The following TBC1D5 variants were observed in gnomAD, a reference collection of about 807,000 sequenced individuals.
TBC1D5 encodes TBC1 domain family, member 5.
Under a neutral mutation model 100.3 loss-of-function variants are expected in TBC1D5, and 75 were observed. That is an observed-to-expected ratio of 0.75 (90% CI 0.62 to 0.91). The LOEUF (loss-of-function observed/expected upper bound fraction) is 0.91, where lower values mean the gene tolerates loss of function less well. Ranked by LOEUF, TBC1D5 falls within the 40% of genes least tolerant of loss-of-function variation. The pLI, the probability that TBC1D5 is intolerant of heterozygous loss-of-function variation, is 0.00. For synonymous variants in TBC1D5, 323 were observed against 325.6 expected, an observed-to-expected ratio of 0.99 and a Z score of 0.09; for missense variants, 910 against 942.4, an observed-to-expected ratio of 0.97 and a Z score of 0.45.
At chr3:17,739,521 A>T (rs919680063) in exon 1 of TBC1D5, 2 of 152,232 alleles carry the variant, frequency 1.3e-5, no homozygotes, top group African/African-American at 4.8e-5. Context: ...AGGGTGGAGG[A>T]CAAGCCCAGG....
At chr3:17,378,369 C>A (rs1575597162) in intron 9 of TBC1D5, among the ~76,000 whole-genome samples, 1 of 151,834 alleles carries the variant, frequency 6.6e-6, no homozygotes, top group East Asian at 1.9e-4. Context: ...AAAAATCACT[C>A]TCTCACACAT....
chr3:17,375,731 A>G (rs2152093901), intron 10 of TBC1D5, among the ~76,000 whole-genome samples: 1 of 152,302 alleles, frequency 6.6e-6, no homozygotes, highest in African/African-American at 2.4e-5. Context: ...ATACTAATCT[A>G]TAAACTAATA....
chr3:17,406,435 G>A (rs753912019), exon 5 of TBC1D5: 21 of 1,608,046 alleles, frequency 1.3e-5, no homozygotes, highest in African/African-American at 4.0e-5. Context: ...CAAATGCTGC[G>A]GAACCTGCTG....
At chr3:17,573,554 A>G (rs2096639782) in intron 2 of TBC1D5, among the ~76,000 whole-genome samples, 1 of 152,048 alleles carries the variant, frequency 6.6e-6, no homozygotes, top group Admixed American at 6.6e-5. Flanking sequence ...ACTCTTCAAA[A>G]ATCTATAGGC....
intron 19 of TBC1D5, among the ~76,000 whole-genome samples, chr3:17,179,414 G>C (rs2068186510): frequency 6.6e-6 from 1 of 152,180 alleles, no homozygotes; most frequent in Non-Finnish European, 1.5e-5. Flanking sequence ...ATAAACTGAT[G>C]TTCAAAACTG....
upstream of TBC1D5, chr3:17,741,047 T>A (rs1432384752): frequency 1.3e-5 from 2 of 151,678 alleles, no homozygotes; most frequent in African/African-American, 4.9e-5. Flanking sequence ...CACCCGGGGG[T>A]GAGTTATTAA....
intron 19 of TBC1D5, among the ~76,000 whole-genome samples, chr3:17,177,253 G>A (rs941403480): frequency 6.6e-6 from 1 of 152,200 alleles, no homozygotes; most frequent in Non-Finnish European, 1.5e-5. Flanking sequence ...TGGAGTGGTG[G>A]CATCCTGGCC....
intron 17 of TBC1D5, among the ~76,000 whole-genome samples, chr3:17,216,427 A>T (rs889177181): frequency 3.3e-5 from 5 of 151,994 alleles, no homozygotes; most frequent in African/African-American, 1.2e-4. Flanking sequence ...CCCAACTCTG[A>T]TTCCTCCTCT....
intron 16 of TBC1D5, among the ~76,000 whole-genome samples, chr3:17,246,560 G>GA (rs772008274): frequency 2.0e-5 from 3 of 152,292 alleles, no homozygotes; most frequent in Admixed American, 1.3e-4. Flanking sequence ...TGTTACCAGA[G>GA]AAAAAACAGA....
chr3:17,599,329 A>G (rs999187400), intron 2 of TBC1D5, among the ~76,000 whole-genome samples: 2 of 152,106 alleles, frequency 1.3e-5, no homozygotes, highest in African/African-American at 4.8e-5. Flanking sequence ...CTGACACAAG[A>G]GCAGAGAGGC....
chr3:17,505,009 T>G (rs2095829670), intron 3 of TBC1D5, among the ~76,000 whole-genome samples: 1 of 152,096 alleles, frequency 6.6e-6, no homozygotes, highest in Non-Finnish European at 1.5e-5. Context: ...AAAAACAAAA[T>G]TATAGGAAGC....
intron 15 of TBC1D5, among the ~76,000 whole-genome samples, chr3:17,290,170 G>A (rs1200584331): frequency 6.6e-6 from 1 of 152,072 alleles, no homozygotes; most frequent in Non-Finnish European, 1.5e-5. Flanking sequence ...TGAAGGTGGG[G>A]AATTCCCTTT....
chr3:17,351,813 G>GAA (rs879802026), intron 13 of TBC1D5, among the ~76,000 whole-genome samples: 1 of 100,988 alleles, frequency 9.9e-6, no homozygotes, highest in African/African-American at 4.9e-5. Flanking sequence ...GAAAAGAAAG[G>GAA]AAAAAAAAAA....
intron 3 of TBC1D5, among the ~76,000 whole-genome samples, chr3:17,476,636 T>C (rs1028614448): frequency 5.3e-5 from 8 of 152,010 alleles, no homozygotes; most frequent in African/African-American, 1.9e-4. Flanking sequence ...AACAAATCAA[T>C]GTAAAAATTT....
intron 4 of TBC1D5, among the ~76,000 whole-genome samples, chr3:17,420,893 A>G (rs544637113): frequency 6.6e-6 from 1 of 152,306 alleles, no homozygotes; most frequent in East Asian, 1.9e-4. Context: ...TTGGATGATC[A>G]GGCTTTCAGC....
chr3:17,727,592 T>A (rs987687735), intron 1 of TBC1D5, among the ~76,000 whole-genome samples: 1 of 152,140 alleles, frequency 6.6e-6, no homozygotes, highest in Non-Finnish European at 1.5e-5. Context: ...ATGAAATAAA[T>A]GATTTTGCTA....
chr3:17,604,945 G>A (rs1194517783), intron 2 of TBC1D5, among the ~76,000 whole-genome samples: 1 of 152,098 alleles, frequency 6.6e-6, no homozygotes. Context: ...CAAAGTGCTG[G>A]GATTGCACGT....
At chr3:17,449,441 G>A (rs543268046) in intron 3 of TBC1D5, among the ~76,000 whole-genome samples, 1 of 152,184 alleles carries the variant, frequency 6.6e-6, no homozygotes, top group East Asian at 1.9e-4. Context: ...GTTTTGCTCA[G>A]TGGATCCCAC....
At chr3:17,463,693 G>C (rs1227250627) in intron 3 of TBC1D5, among the ~76,000 whole-genome samples, 2 of 152,074 alleles carry the variant, frequency 1.3e-5, no homozygotes, top group African/African-American at 4.8e-5. Context: ...GGCCACATTG[G>C]AGCCCAAGGC....
Sources: gnomAD v4.1 joint callset for allele counts (sites outside exome capture counted in the v4.1 genomes callset) on GRCh38, gnomAD v4.1.1 for gene constraint, MANE v1.5 for transcripts, NCBI Gene and HGNC (gene_info 2026-07-23, HGNC 2026-07-21) for gene names.